Variants in TXNRD1 observed in about 807,000 individuals in gnomAD.
TXNRD1 encodes thioredoxin reductase 1, cytoplasmic.
In TXNRD1, 57 loss-of-function variants were observed where a neutral mutation model predicts 80.3. The observed-to-expected ratio is 0.71, with a 90% CI of 0.57 to 0.89. TXNRD1 has a LOEUF of 0.89. TXNRD1 is among the 40% of genes least tolerant of loss of function. TXNRD1 has a pLI of 0.00. For synonymous variants in TXNRD1, 291 were observed against 285.2 expected (o/e 1.02, Z -0.20); for missense variants, 730 against 803.0 (o/e 0.91, Z 1.10).
chr12:104,284,917 T>C lies in TXNRD1; in HGVS notation c.305-4014T>C, dbSNP rs371403706. Among the ~76,000 whole-genome samples, 3 of 152,214 alleles carry C rather than the reference T, an allele frequency of 2.0e-5. No individual in the cohort carries two copies. The South Asian group carries it at 6.2e-4, about 32-fold the overall frequency. On this transcript the variant is annotated intron_variant, in intron 3 of 16. Transcript: ENST00000525566. ...ACGGCCAGGCACAGTGGCTCACACC[T>C]GTAATCCCAGCACTTTGGGAGGCTG...
At chr12:104,251,246 C>A (rs1210394667) in intron 1 of TXNRD1, among the ~76,000 whole-genome samples, 1 of 152,164 alleles carries the variant, frequency 6.6e-6, no homozygotes, top group Non-Finnish European at 1.5e-5. Context: ...ACTTATTTTC[C>A]TGTGTCCAGG....
At chr12:104,252,684 A>G (rs1414237908) in intron 2 of TXNRD1, among the ~76,000 whole-genome samples, 1 of 100,936 alleles carries the variant, frequency 9.9e-6, no homozygotes, top group Non-Finnish European at 1.8e-5. Flanking sequence ...ATATATATAT[A>G]TATATATTTT....
chr12:104,239,930 C>A (rs1219652043), intron 1 of TXNRD1, among the ~76,000 whole-genome samples: 1 of 152,176 alleles, frequency 6.6e-6, no homozygotes, highest in African/African-American at 2.4e-5. Flanking sequence ...CCAGGACAAA[C>A]CCCACTAGCT....
At chr12:104,331,442 T>C (rs2035942771) in intron 13 of TXNRD1, 92 bp from the exon 14 acceptor site, 1 of 728,348 alleles carries the variant, frequency 1.4e-6, no homozygotes, top group African/African-American at 1.9e-5. Context: ...TTATTACTCT[T>C]ATATCCTTTG....
intron 4 of TXNRD1, among the ~76,000 whole-genome samples, chr12:104,292,687 C>A (rs915517416): frequency 2.2e-4 from 34 of 152,258 alleles, no homozygotes; most frequent in African/African-American, 7.5e-4. Context: ...AGCCACCACG[C>A]CCGGCTTGCC....
rs1414539043 is a variant in TXNRD1, at chr12:104,288,948, G to A, written c.322G>A (p.Glu108Lys). 2.5e-6 allele frequency: 4 copies of A among 1,614,070 alleles called. No individual in the cohort carries two copies. The highest frequency in any genetic ancestry group is 1.7e-6 in the Non-Finnish European group (2 of 1,179,894). ...CCACACAGAGGACGGTCGGGCCCTG[G>A]AAGGAACGCTCTCGGAATTGGCCGC... ...LDQTEDGRAL[E>K]GTLSELAAET... The change falls in exon 4 of 17, where the codon GAA (glutamate) becomes AAA (lysine). Residue 108 changes from glutamate to lysine, a missense_variant. Glu to Lys is a moderately conservative substitution (Grantham distance 56). Coordinates refer to ENST00000525566, the MANE Select transcript of TXNRD1 (RefSeq NM_001093771.3).
chr12:104,344,705 T>C (rs1413080406), intron 16 of TXNRD1, among the ~76,000 whole-genome samples: 1 of 152,220 alleles, frequency 6.6e-6, no homozygotes, highest in African/African-American at 2.4e-5. Context: ...TTATATCCTT[T>C]AACAAATCTC....
chr12:104,326,190 A>G (rs1014822577), intron 11 of TXNRD1, among the ~76,000 whole-genome samples, 157 bp from the exon 12 acceptor site: 2 of 152,150 alleles, frequency 1.3e-5, no homozygotes, highest in African/African-American at 4.8e-5. Flanking sequence ...GAAGATTTTA[A>G]TTTATTTAAA....
intron 4 of TXNRD1, chr12:104,304,813 G>A: frequency 6.2e-7 from 1 of 1,614,004 alleles, no homozygotes; most frequent in East Asian, 2.2e-5. Context: ...AAATGGGTGA[G>A]GGAAATGATT....
chr12:104,273,720 C>T (rs940708310), intron 3 of TXNRD1, among the ~76,000 whole-genome samples: 5 of 152,216 alleles, frequency 3.3e-5, no homozygotes, highest in African/African-American at 7.2e-5. Flanking sequence ...TGCAGGCCAG[C>T]GCCATCCTGC....
At chr12:104,325,754 C>G (rs907721506) in intron 11 of TXNRD1, among the ~76,000 whole-genome samples, 3 of 152,012 alleles carry the variant, frequency 2.0e-5, no homozygotes, top group Non-Finnish European at 4.4e-5. Context: ...CGCCTGTAGT[C>G]CCAGCTATTC....
At position 104,350,073 on chromosome 12, in the gene TXNRD1, T is replaced by C. The variant is rs1447047332; in HGVS notation, c.*1652T>C. 1 of 152,244 alleles carries C rather than the reference T, an allele frequency of 6.6e-6. No homozygotes were observed. The highest frequency in any genetic ancestry group is 1.5e-5 in the Non-Finnish European group (1 of 68,050). 9.4% of individuals were successfully genotyped at this position (152,244 alleles called of 1,614,324 possible). On this transcript the variant is annotated 3_prime_UTR_variant, in exon 17 of 17. Transcript: ENST00000525566. ...TAGAACAGTAGGCGGTATGAGATAATCAGGCCTAATCATGTTGTGATTCTC... is the reference window on the plus strand; with the variant it reads ...TAGAACAGTAGGCGGTATGAGATAACCAGGCCTAATCATGTTGTGATTCTC...
At position 104,249,729 on chromosome 12, in the gene TXNRD1, A is replaced by T. The variant is rs369789507; in HGVS notation, c.92-1798A>T. ...GGTGGGCAGATCACGAGGTCAGGAG[A>T]TCAAGACCATCCTGGCTAACATGGT... On this transcript the variant is annotated intron_variant, in intron 1 of 16. Transcript: ENST00000525566. Among the ~76,000 whole-genome samples, 19 of 152,100 alleles carry T rather than the reference A, an allele frequency of 1.2e-4. No individual in the cohort carries two copies. The South Asian group carries it at 3.7e-3, about 30-fold the overall frequency.
Position 104,302,486 on chromosome 12 carries a change from C to CTTTTTTTTTTTTTTTTTTTTTTTT in TXNRD1, c.415-8783_415-8782insTTTTTTTTTTTTTTTTTTTTTTTT, listed in dbSNP as rs772202256. Among the ~76,000 whole-genome samples, 3 of 76,226 alleles carry CTTTTTTTTTTTTTTTTTTTTTTTT rather than the reference C, an allele frequency of 3.9e-5. 1 individual carries two copies. The highest frequency in any genetic ancestry group is 3.7e-4 in the Admixed American group (2 of 5,376). The allele number at this position is 76,226 out of a possible 152,430, so 50.0% of individuals were successfully genotyped here. On this transcript the variant is annotated intron_variant, in intron 4 of 16. Transcript: ENST00000525566. ...TTTAAAAACCAGATGTATTCATTCC[C>CTTTTTTTTTTTTTTTTTTTTTTTT]TTTTTTTTTTTTTTTTTTTTTGAGA...
chr12:104,299,096 TA>T (rs2034527522), intron 4 of TXNRD1, among the ~76,000 whole-genome samples: 1 of 152,148 alleles, frequency 6.6e-6, no homozygotes. Flanking sequence ...ACAAATACAG[TA>T]TTTATTTCTT....
intron 4 of TXNRD1, among the ~76,000 whole-genome samples, chr12:104,308,004 T>C (rs2034989954): frequency 6.6e-6 from 1 of 152,004 alleles, no homozygotes; most frequent in South Asian, 2.1e-4. Flanking sequence ...TCTTTCTTTT[T>C]TTTTTTTTTG....
chr12:104,315,893 A>G lies in TXNRD1; in HGVS notation c.727A>G (p.Thr243Ala), dbSNP rs1354048933. The stretch of plus-strand genomic sequence containing the variant: ...AAATTATGGATGGAAAGTCGAGGAG[A>G]CAGGTATGAGAGGGAAAAGCTACTC... ...SRNYGWKVEE[T>A]VKHDWDRMIE... The change falls in exon 7 of 17, where the codon ACA becomes GCA. Residue 243 changes from threonine to alanine, a missense_variant. Thr to Ala is a moderately conservative substitution (Grantham distance 58). Transcript: ENST00000525566. 7 of 1,609,842 alleles carry G rather than the reference A, an allele frequency of 4.3e-6. No individual in the cohort carries two copies. The highest frequency in any genetic ancestry group is 5.9e-6 in the Non-Finnish European group (7 of 1,177,350).
intron 3 of TXNRD1, chr12:104,265,566 C>T: frequency 3.1e-6 from 5 of 1,608,588 alleles, no homozygotes; most frequent in South Asian, 1.1e-5. Context: ...GCTATGACTC[C>T]CGGAGCGGCA....
intron 16 of TXNRD1, among the ~76,000 whole-genome samples, chr12:104,347,954 G>A (rs1486892525): frequency 6.6e-6 from 1 of 152,186 alleles, no homozygotes; most frequent in Non-Finnish European, 1.5e-5. Context: ...GACCAACTCG[G>A]TGGAGGGAAA....
Sources: allele counts gnomAD v4.1 joint callset (sites outside exome capture counted in the v4.1 genomes callset), GRCh38; gene constraint gnomAD v4.1.1; transcripts MANE v1.5; gene names NCBI Gene and HGNC (gene_info 2026-07-23, HGNC 2026-07-21).